Variants in ASTN1 observed in about 807,000 individuals in gnomAD.
ASTN1 encodes astrotactin-1.
A neutral mutation model predicts 140.7 loss-of-function variants in ASTN1; 41 were observed. The ratio of observed to expected loss-of-function variants is 0.29; its 90% CI spans 0.23 to 0.38. ASTN1 has a LOEUF of 0.38. Among genes scored for constraint, ASTN1 ranks in the 10% least tolerant of loss-of-function variants. The pLI is 1.00. For synonymous variants in ASTN1, 640 were observed against 652.2 expected, an observed-to-expected ratio of 0.98 and a Z score of 0.29; for missense variants, 1,479 against 1,678.8, an observed-to-expected ratio of 0.88 and a Z score of 2.08.
At chr1:177,043,933 A>T (rs530077136) in intron 2 of ASTN1, among the ~76,000 whole-genome samples, 3 of 152,008 alleles carry the variant, frequency 2.0e-5, no homozygotes, top group Non-Finnish European at 4.4e-5. Flanking sequence ...CTCTTTAAAA[A>T]ATTATTAAAT....
At chr1:177,070,886 T>G (rs2102054582) in intron 1 of ASTN1, among the ~76,000 whole-genome samples, 1 of 152,334 alleles carries the variant, frequency 6.6e-6, no homozygotes, top group African/African-American at 2.4e-5. Flanking sequence ...AACAAAGTGC[T>G]TAGCAGTACC....
At chr1:177,056,015 G>A (rs1430744859) in intron 2 of ASTN1, among the ~76,000 whole-genome samples, 1 of 152,176 alleles carries the variant, frequency 6.6e-6, no homozygotes, top group Non-Finnish European at 1.5e-5. Context: ...AAGCGGCTGT[G>A]CTCTAGGTAT....
Position 177,164,705 on chromosome 1 carries a change from G to A in ASTN1, c.-29C>T, listed in dbSNP as rs1231625494. 6.6e-7 allele frequency: 1 copy of A among 1,518,464 alleles called. No individual in the cohort carries two copies. Among genetic ancestry groups the A allele is most frequent in the Non-Finnish European group, 8.8e-7 (1 of 1,136,914 alleles). The allele number at this position is 1,518,464 out of a possible 1,614,324, so 94.1% of individuals were successfully genotyped here. Reference sequence around the variant, plus strand: ...GAGCCCCGGCCGCCTTCCTCCTAGCGCTGCGATGGTGGGGGAGGAAGCGAG... The same window carrying A: ...GAGCCCCGGCCGCCTTCCTCCTAGCACTGCGATGGTGGGGGAGGAAGCGAG... On this transcript the variant is annotated 5_prime_UTR_variant, in exon 1 of 23. Coordinates refer to ENST00000361833, the MANE Select transcript of ASTN1 (RefSeq NM_004319.3).
chr1:176,910,331 GT>G (rs1670179001), intron 16 of ASTN1, among the ~76,000 whole-genome samples: 1 of 152,106 alleles, frequency 6.6e-6, no homozygotes, highest in Non-Finnish European at 1.5e-5. Context: ...TCCGTCCTCA[GT>G]CTCCCAGGGC....
chr1:177,104,816 C>T (rs1214951457), intron 1 of ASTN1, among the ~76,000 whole-genome samples: 2 of 152,204 alleles, frequency 1.3e-5, no homozygotes, highest in Non-Finnish European at 1.5e-5. Context: ...CTTCTTCTAT[C>T]AGTAAGAGGA....
At chr1:176,997,913 G>C (rs1674532705) in intron 8 of ASTN1, among the ~76,000 whole-genome samples, 1 of 152,124 alleles carries the variant, frequency 6.6e-6, no homozygotes, top group African/African-American at 2.4e-5. Flanking sequence ...TTAAAGGGAA[G>C]GAACTGGAGG....
intron 8 of ASTN1, among the ~76,000 whole-genome samples, chr1:176,967,629 A>G (rs561285501): frequency 6.6e-6 from 1 of 152,334 alleles, no homozygotes; most frequent in East Asian, 1.9e-4. Flanking sequence ...TCAGGAGCCA[A>G]ATGACTGGCA....
chr1:176,885,309 G>T (rs1668989219), intron 18 of ASTN1, among the ~76,000 whole-genome samples: 2 of 152,124 alleles, frequency 1.3e-5, no homozygotes, highest in African/African-American at 4.8e-5. Context: ...TGCCTTGCCA[G>T]CTCATACCTC....
rs531145860 is a variant in ASTN1, at chr1:177,012,033, A to G, written c.1523+2758T>C. On this transcript the variant is annotated intron_variant, in intron 8 of 22. Transcript: ENST00000361833. The stretch of plus-strand genomic sequence containing the variant: ...CAGCTATTTTAATGTACGCAATACA[A>G]GAATATGAAGTGAAAACCATTCACA... 1.7e-4 allele frequency among the ~76,000 whole-genome samples: 26 copies of G among 152,328 alleles called. 1 individual carries two copies. The highest frequency in any genetic ancestry group is 3.1e-4 in the Non-Finnish European group (21 of 68,036).
At chr1:177,110,735 G>A (rs1680786120) in intron 1 of ASTN1, among the ~76,000 whole-genome samples, 1 of 152,110 alleles carries the variant, frequency 6.6e-6, no homozygotes, top group African/African-American at 2.4e-5. Flanking sequence ...ATGCCTCCAG[G>A]TCACACATTA....
At chr1:176,996,618 A>G (rs889815860) in intron 8 of ASTN1, among the ~76,000 whole-genome samples, 3 of 152,188 alleles carry the variant, frequency 2.0e-5, no homozygotes, top group African/African-American at 7.2e-5. Context: ...GTTCAGGGCC[A>G]GAGGAGAGAA....
chr1:176,859,852 T>C (rs1280014741), downstream of ASTN1, among the ~76,000 whole-genome samples: 2 of 152,152 alleles, frequency 1.3e-5, no homozygotes, highest in African/African-American at 4.8e-5. Flanking sequence ...GTTACATAAT[T>C]TGGTGAGGGG....
intron 1 of ASTN1, among the ~76,000 whole-genome samples, chr1:177,124,296 CAAGAAGCATCTGG>C (rs1571818682): frequency 1.3e-5 from 2 of 152,190 alleles, no homozygotes; most frequent in African/African-American, 4.8e-5. Flanking sequence ...TTCATCCTCA[CAAGAAGCATCTGG>C]AAGATAATGA....
intron 1 of ASTN1, among the ~76,000 whole-genome samples, chr1:177,133,080 G>C (rs776617243): frequency 9.2e-5 from 14 of 152,178 alleles, no homozygotes; most frequent in Non-Finnish European, 1.6e-4. Flanking sequence ...CATAATATCT[G>C]TGCCTGTCCA....
At chr1:177,105,283 T>C (rs970764791) in intron 1 of ASTN1, among the ~76,000 whole-genome samples, 1 of 152,148 alleles carries the variant, frequency 6.6e-6, no homozygotes, top group African/African-American at 2.4e-5. Flanking sequence ...TGAAATACCT[T>C]CCAGATTCAA....
intron 21 of ASTN1, among the ~76,000 whole-genome samples, chr1:176,871,454 G>A (rs772925458): frequency 2.0e-5 from 3 of 152,214 alleles, no homozygotes; most frequent in Non-Finnish European, 4.4e-5. Context: ...GGTAGTCTTT[G>A]CGGAGGAGCA....
At chr1:177,060,082 T>A (rs1023349807) in intron 2 of ASTN1, among the ~76,000 whole-genome samples, 1 of 152,206 alleles carries the variant, frequency 6.6e-6, no homozygotes, top group Non-Finnish European at 1.5e-5. Context: ...ATCAACGATG[T>A]GAATGCATTG....
At chr1:176,978,060 C>T (rs1223824652) in intron 8 of ASTN1, among the ~76,000 whole-genome samples, 2 of 152,086 alleles carry the variant, frequency 1.3e-5, no homozygotes, top group Non-Finnish European at 2.9e-5. Flanking sequence ...CTTTAAGCTT[C>T]GAAGGATGCA....
At chr1:176,960,506 C>T (rs918462756) in intron 9 of ASTN1, among the ~76,000 whole-genome samples, 17 of 152,150 alleles carry the variant, frequency 1.1e-4, no homozygotes, top group East Asian at 1.9e-4. Context: ...TTTTGAAAGA[C>T]GAGGCTCCAT....
Sources: allele counts gnomAD v4.1 joint callset (sites outside exome capture counted in the v4.1 genomes callset), GRCh38; gene constraint gnomAD v4.1.1; transcripts MANE v1.5; gene names NCBI Gene and HGNC (gene_info 2026-07-23, HGNC 2026-07-21).